TBC1D16: variants seen among roughly 807,000 people sequenced by gnomAD.
The protein encoded by TBC1D16 is CTD-2529O21.1.
Under a neutral mutation model 74.7 loss-of-function variants are expected in TBC1D16, and 58 were observed. The observed-to-expected ratio is 0.78, with a 90% CI of 0.63 to 0.97. TBC1D16 has a LOEUF of 0.97. Among genes scored for constraint, TBC1D16 ranks in the 50% least tolerant of loss-of-function variants. TBC1D16 has a pLI of 0.00. For synonymous variants in TBC1D16, 493 were observed against 474.7 expected (o/e 1.04, Z -0.50); for missense variants, 1,014 against 1,079.5 (o/e 0.94, Z 0.85).
At chr17:79,976,628 C>A (rs1478935577) in intron 3 of TBC1D16, among the ~76,000 whole-genome samples, 2 of 152,186 alleles carry the variant, frequency 1.3e-5, no homozygotes, top group African/African-American at 4.8e-5. Context: ...AACAGCAAGA[C>A]CCCCGCCGCT....
In TBC1D16 at chr17:79,932,674, GACAA is replaced by G. The variant is rs1168650914; in HGVS notation, c.*8181_*8184del. 6.6e-6 allele frequency: 1 copy of G among 152,222 alleles called. No homozygotes were observed. Among genetic ancestry groups the G allele is most frequent in the African/African-American group, 2.4e-5 (1 of 41,452 alleles). 9.4% of individuals were successfully genotyped at this position (152,222 alleles called of 1,614,324 possible). ...GCCAGGAATCAACGAACTTTGGACAGACAATCAGTAGACTTTGGGTGTGGCCTTG... is the reference window on the plus strand; with the variant it reads ...GCCAGGAATCAACGAACTTTGGACAGTCAGTAGACTTTGGGTGTGGCCTTG... On this transcript the variant is annotated 3_prime_UTR_variant, in exon 12 of 12. Coordinates refer to ENST00000310924, the MANE Select transcript of TBC1D16 (RefSeq NM_019020.4).
In TBC1D16 at chr17:79,981,106, T is replaced by C. The variant is rs545377916; in HGVS notation, c.780-28288A>G. On this transcript the variant is annotated intron_variant, in intron 3 of 11. Coordinates refer to ENST00000310924, the MANE Select transcript of TBC1D16 (RefSeq NM_019020.4). This position sits in a 1 kb window ranked among gnomAD's most constrained non-coding sequence, Gnocchi z 6.9. ...TGTCACAGCAAAGCTGAATTCTGTA[T>C]CTAGCCCCTCGTGGCAGCAGTGACG... Among the ~76,000 whole-genome samples the C allele has an allele frequency of 5.9e-5, 9 of 152,354 alleles. No homozygotes were observed. Among genetic ancestry groups the C allele is most frequent in the African/African-American group, 9.6e-5 (4 of 41,590 alleles).
rs911991111 is a variant in TBC1D16, at chr17:79,944,750, C to G, written c.1908+158G>C. On this transcript the variant is annotated intron_variant, in intron 10 of 11. Transcript: ENST00000310924. The surrounding 1 kb of genome is among the most constrained non-coding windows in gnomAD (Gnocchi z 7.7). ...GGGAGGCGAGCTGTAAGGTCTGAAG[C>G]CAGCCACGTGGGACGGGAAGGCAGT... Among the ~76,000 whole-genome samples the G allele has an allele frequency of 1.3e-5, 2 of 152,162 alleles. No homozygotes were observed. The highest frequency in any genetic ancestry group is 4.8e-5 in the African/African-American group (2 of 41,438).
rs58720228 is a variant in TBC1D16, at chr17:80,011,687, G to A, written c.182-930C>T. 7.6e-4 allele frequency among the ~76,000 whole-genome samples: 116 copies of A among 152,250 alleles called. 3 individuals are homozygous for A. In the East Asian group the frequency reaches 0.013, roughly 17 times the overall value. On this transcript the variant is annotated intron_variant, in intron 2 of 11. Coordinates refer to ENST00000310924, the MANE Select transcript of TBC1D16 (RefSeq NM_019020.4). The stretch of plus-strand genomic sequence containing the variant: ...TAAATGTACAAAAAATTAGCCGGGC[G>A]TGATGGTGGGCGCCTGTAGTCCCAG...
rs541474956 is a variant in TBC1D16, at chr17:80,019,402, G to A, written c.-62-5793C>T. 5.1e-4 allele frequency among the ~76,000 whole-genome samples: 76 copies of A among 148,072 alleles called. 5 individuals carry two copies. Among genetic ancestry groups the A allele is most frequent in the Middle Eastern group, 3.4e-3 (1 of 294 alleles). On this transcript the variant is annotated intron_variant, in intron 1 of 11. Transcript: ENST00000310924. Reference sequence around the variant, plus strand: ...CTTCGTCCCCCACGTGCAGAACTCCGGCTCCTCCATCACCCGCCACCTGGG... The same window carrying A: ...CTTCGTCCCCCACGTGCAGAACTCCAGCTCCTCCATCACCCGCCACCTGGG...
In TBC1D16 at chr17:80,010,627, G is replaced by C. The variant is rs751077321; in HGVS notation, c.312C>G (p.Pro104=). 3 of 1,576,556 alleles carry C rather than the reference G, an allele frequency of 1.9e-6. No individual in the cohort carries two copies. Among genetic ancestry groups the C allele is most frequent in the African/African-American group, 2.7e-5 (2 of 73,596 alleles). ...ALRYITPESS[P]VRKAPRPRGR... ...CCCGAGGGCGGGGTGCCTTGCGAAC[G>C]GGGGAGCTCTCGGGTGTGATGTAGC... The change falls in exon 3 of 12, where the codon CCC becomes CCG. Residue 104 remains proline, a synonymous_variant. Transcript: ENST00000310924. This position sits in a 1 kb window ranked among gnomAD's most constrained non-coding sequence, Gnocchi z 8.8.
chr17:79,982,816 G>A (rs1020450732), intron 3 of TBC1D16, among the ~76,000 whole-genome samples: 1 of 152,080 alleles, frequency 6.6e-6, no homozygotes, highest in Non-Finnish European at 1.5e-5. Context: ...CCGAGATCAC[G>A]TCACTGCACT....
At chr17:79,998,514 A>ATTTT (rs376951265) in intron 3 of TBC1D16, among the ~76,000 whole-genome samples, 4 of 131,846 alleles carry the variant, frequency 3.0e-5, no homozygotes, top group Non-Finnish European at 4.9e-5. Flanking sequence ...TATTATTATA[A>ATTTT]TTTTTTTTTT....
In TBC1D16 at chr17:79,961,107, A is replaced by C. The variant is rs980151869; in HGVS notation, c.780-8289T>G. On this transcript the variant is annotated intron_variant, in intron 3 of 11. Coordinates refer to ENST00000310924, the MANE Select transcript of TBC1D16 (RefSeq NM_019020.4). This position sits in a 1 kb window ranked among gnomAD's most constrained non-coding sequence, Gnocchi z 4.8. ...CAGCTGGTGAATGGCTAAACAAACA[A>C]TGGTACATCTTAACAAGGGAATACA... Among the ~76,000 whole-genome samples the C allele has an allele frequency of 6.6e-6, 1 of 152,234 alleles. No individual in the cohort carries two copies. The highest frequency in any genetic ancestry group is 6.5e-5 in the Admixed American group (1 of 15,290).
Position 79,949,001 on chromosome 17 carries a change from G to A in TBC1D16, c.1412C>T (p.Ser471Phe), listed in dbSNP as rs1022920674. 2.5e-6 allele frequency: 4 copies of A among 1,613,956 alleles called. No homozygotes were observed. The African/African-American group carries it at 4.0e-5, about 16-fold the overall frequency. The change falls in exon 8 of 12, where the codon TCC becomes TTC. Residue 471 changes from serine to phenylalanine, a missense_variant. Ser to Phe is a radical substitution (Grantham distance 155). Transcript: ENST00000310924. ...CGCTCTGTGCTCCTCGGGAGTCATG[G>A]AGAGCCTGTGTGGAGCCGAGCACCC... ...EYSEIQQKRL[S>F]MTPEEHRAFW... is the part of the protein sequence containing the mutation.
chr17:79,942,886 C>T (rs1023980804), intron 10 of TBC1D16, among the ~76,000 whole-genome samples: 1 of 152,248 alleles, frequency 6.6e-6, no homozygotes, highest in African/African-American at 2.4e-5. Flanking sequence ...CTTTAAAGAC[C>T]GCCTCACGGG....
In TBC1D16 at chr17:79,950,380, G is replaced by A. The variant is rs1385036727; in HGVS notation, c.1257+31C>T. The stretch of plus-strand genomic sequence containing the variant: ...GTTCCCGGTTCCCGGCCGGCTCTCC[G>A]CGGGGCCAGCTGGGCGGACCCGGAC... On this transcript the variant is annotated intron_variant, in intron 6 of 11. Transcript: ENST00000310924. The surrounding 1 kb of genome is among the most constrained non-coding windows in gnomAD (Gnocchi z 4.6). 6.4e-7 allele frequency: 1 copy of A among 1,567,608 alleles called. No individual in the cohort carries two copies. The highest frequency in any genetic ancestry group is 1.4e-5 in the African/African-American group (1 of 73,762).
chr17:80,005,950 G>A (rs1392567347), intron 3 of TBC1D16, among the ~76,000 whole-genome samples: 1 of 152,076 alleles, frequency 6.6e-6, no homozygotes, highest in Admixed American at 6.5e-5. Flanking sequence ...AGCCAGACAC[G>A]CAGCCTGCAC....
At chr17:79,973,766 T>C (rs2034215817) in intron 3 of TBC1D16, among the ~76,000 whole-genome samples, 5 of 150,960 alleles carry the variant, frequency 3.3e-5, no homozygotes. Flanking sequence ...TGGTGGTGCA[T>C]GCCATCATCC....
At chr17:80,016,332 G>T (rs534612301) in intron 1 of TBC1D16, among the ~76,000 whole-genome samples, 1 of 152,130 alleles carries the variant, frequency 6.6e-6, no homozygotes, top group Non-Finnish European at 1.5e-5. Flanking sequence ...CGTCCTGGAG[G>T]TGGACAGTGG....
intron 1 of TBC1D16, among the ~76,000 whole-genome samples, chr17:80,033,352 T>G (rs567343814): frequency 3.3e-5 from 5 of 151,648 alleles, no homozygotes; most frequent in Non-Finnish European, 7.4e-5. Flanking sequence ...TTGTTGTTGT[T>G]TTGTTGTTGT....
At chr17:79,952,480 G>A (rs1462360890) in intron 4 of TBC1D16, among the ~76,000 whole-genome samples, 177 bp downstream of exon 4, 2 of 152,230 alleles carry the variant, frequency 1.3e-5, no homozygotes, top group East Asian at 3.9e-4. Flanking sequence ...CTGTCAGGGA[G>A]CTGCAGTGGG....
intron 10 of TBC1D16, chr17:79,943,877 G>A (rs910329378): frequency 6.6e-5 from 93 of 1,406,760 alleles, no homozygotes; most frequent in African/African-American, 1.0e-4. Context: ...CGTGCAATGA[G>A]GCACGATTTT....
intron 2 of TBC1D16, among the ~76,000 whole-genome samples, chr17:80,012,722 T>C (rs2035939646): frequency 6.6e-6 from 1 of 152,196 alleles, no homozygotes; most frequent in African/African-American, 2.4e-5. Context: ...ACAACTTTAC[T>C]ATTTTGCCAT....
Sources: gnomAD v4.1 joint callset for allele counts (sites outside exome capture counted in the v4.1 genomes callset) on GRCh38, gnomAD v4.1.1 for gene constraint, Gnocchi (gnomAD v3.1) non-coding constraint, MANE v1.5 for transcripts, NCBI Gene and HGNC (gene_info 2026-07-23, HGNC 2026-07-21) for gene names.